Variants in BPNT1 observed in about 807,000 individuals in gnomAD.
The protein encoded by BPNT1 is 3'(2'),5'-bisphosphate nucleotidase 1.
Under a neutral mutation model 36.9 loss-of-function variants are expected in BPNT1, and 28 were observed. That is an observed-to-expected ratio of 0.76 (90% CI 0.56 to 1.04). The LOEUF (loss-of-function observed/expected upper bound fraction) is 1.04, where lower values mean the gene tolerates loss of function less well. Among genes scored for constraint, BPNT1 ranks in the 50% least tolerant of loss-of-function variants. BPNT1 has a pLI of 0.00. For missense variants in BPNT1, 313 were observed against 372.9 expected (o/e 0.84, Z 1.32); for synonymous variants, 119 against 130.9 (o/e 0.91, Z 0.62).
intron 6 of BPNT1, among the ~76,000 whole-genome samples, chr1:220,063,720 T>C (rs1571734947): frequency 6.6e-6 from 1 of 152,192 alleles, no homozygotes; most frequent in East Asian, 1.9e-4. Context: ...GCTATGGAGA[T>C]AGGGCAACTG....
intron 1 of BPNT1, among the ~76,000 whole-genome samples, chr1:220,080,758 G>A (rs1424682045): frequency 6.6e-6 from 1 of 152,118 alleles, no homozygotes; most frequent in East Asian, 1.9e-4. Context: ...CCACATCAGA[G>A]GGATTGCATA....
In BPNT1 at chr1:220,058,069, G is replaced by A. The variant is rs1358695637; in HGVS notation, c.*775C>T. The A allele has an allele frequency of 7.7e-6, 5 of 650,348 alleles. No individual in the cohort carries two copies. Among genetic ancestry groups the A allele is most frequent in the Middle Eastern group, 7.4e-4 (1 of 1,350 alleles). The allele number at this position is 650,348 out of a possible 1,614,324, so 40.3% of individuals were successfully genotyped here. ...GCGGTGCCTGCAGTCCCAGCTACTC[G>A]GGAGGCTGAGGCAGGAGAATGGCAT... On this transcript the variant is annotated 3_prime_UTR_variant, in exon 9 of 9. Coordinates refer to ENST00000322067, the MANE Select transcript of BPNT1 (RefSeq NM_006085.6).
chr1:220,083,191 C>A (rs1246307603), intron 1 of BPNT1, among the ~76,000 whole-genome samples: 1 of 143,308 alleles, frequency 7.0e-6, no homozygotes. Flanking sequence ...GGGCCGAGAT[C>A]GTGCCAGTGC....
intron 6 of BPNT1, among the ~76,000 whole-genome samples, chr1:220,065,786 G>T (rs80181015): frequency 0.043 from 6,474 of 152,252 alleles, 173 homozygotes; most frequent in East Asian, 0.12. Context: ...TGGTGATGAT[G>T]ATTATTATTT....
chr1:220,062,936 A>G lies in BPNT1; in HGVS notation c.493T>C (p.Leu165=), dbSNP rs764862721. Residue 165 remains leucine, a synonymous_variant, in exon 7 of 9, where the codon TTG becomes CTG. Coordinates refer to ENST00000322067, the MANE Select transcript of BPNT1 (RefSeq NM_006085.6). ...YNYEAGPDAV[L]GRTIWGVLGL... ...AAAACTCCCCAGATTGTCCTCCCCA[A>G]CACAGCATCTGGTCCTGCCTGTGTA... 6 of 1,614,028 alleles carry G rather than the reference A, an allele frequency of 3.7e-6. No individual in the cohort carries two copies. Among genetic ancestry groups the G allele is most frequent in the Non-Finnish European group, 5.1e-6 (6 of 1,180,036 alleles).
intron 2 of BPNT1, among the ~76,000 whole-genome samples, chr1:220,079,192 T>C (rs80178660): frequency 0.06 from 9,070 of 152,184 alleles, 325 homozygotes; most frequent in East Asian, 0.11. Flanking sequence ...TGGGGATAGA[T>C]ATGGTTCAGA....
At position 220,058,390 on chromosome 1, in the gene BPNT1, T is replaced by C. The variant is rs907873695; in HGVS notation, c.*454A>G. Reference sequence around the variant, plus strand: ...TAATTCTATTTTCTATTCCTAAATATAATAACTAAATATAAATCACTGCTC... The same window carrying C: ...TAATTCTATTTTCTATTCCTAAATACAATAACTAAATATAAATCACTGCTC... On this transcript the variant is annotated 3_prime_UTR_variant, in exon 9 of 9. Transcript: ENST00000322067. 1 of 966,774 alleles carries C rather than the reference T, an allele frequency of 1.0e-6. No homozygotes were observed. The highest frequency in any genetic ancestry group is 1.1e-4 in the East Asian group (1 of 8,802). The allele number at this position is 966,774 out of a possible 1,614,324, so 59.9% of individuals were successfully genotyped here. A position where few individuals can be genotyped will look rare whatever the true frequency, so the allele number is the denominator to read the frequency against.
intron 1 of BPNT1, 141 bp downstream of exon 1, chr1:220,089,545 A>C (rs1363725251): frequency 6.6e-6 from 1 of 152,256 alleles, no homozygotes; most frequent in Non-Finnish European, 1.5e-5. Flanking sequence ...TAAAATATCG[A>C]CACTCAAGAG....
At chr1:220,078,057 C>T (rs1664716298) in intron 2 of BPNT1, among the ~76,000 whole-genome samples, 1 of 151,538 alleles carries the variant, frequency 6.6e-6, no homozygotes, top group Admixed American at 6.6e-5. Context: ...TGCCTGTAGT[C>T]CTAACTACTC....
chr1:220,069,109 G>T (rs1324467142), intron 5 of BPNT1, among the ~76,000 whole-genome samples: 1 of 152,104 alleles, frequency 6.6e-6, no homozygotes, highest in Non-Finnish European at 1.5e-5. Flanking sequence ...AGTCATTTTG[G>T]TAACACTGGT....
chr1:220,076,246 A>G (rs891208292), intron 2 of BPNT1, among the ~76,000 whole-genome samples: 2 of 152,086 alleles, frequency 1.3e-5, no homozygotes, highest in Admixed American at 6.6e-5. Context: ...TCATGCCTGT[A>G]ATCCCAGCAT....
chr1:220,067,263 T>C, intron 6 of BPNT1, 39 bp downstream of exon 6: 1 of 1,352,448 alleles, frequency 7.4e-7, no homozygotes, highest in Non-Finnish European at 1.0e-6. Flanking sequence ...CTATAATTAT[T>C]TATCTAATGA....
At chr1:220,082,079 TATATATAGAG>T (rs1219810350) in intron 1 of BPNT1, among the ~76,000 whole-genome samples, 2 of 110,540 alleles carry the variant, frequency 1.8e-5, no homozygotes, top group Non-Finnish European at 3.9e-5. Flanking sequence ...TATATATATA[TATATATAGAG>T]AGAGAGAGAG....
Position 220,057,776 on chromosome 1 carries a change from C to T in BPNT1, c.*1068G>A. The T allele has an allele frequency of 1.0e-6, 1 of 997,462 alleles. No homozygotes were observed. The highest frequency in any genetic ancestry group is 1.4e-6 in the Non-Finnish European group (1 of 728,134). The allele number at this position is 997,462 out of a possible 1,614,324, so 61.8% of individuals were successfully genotyped here. ...AAAAACTTTTCTCATAAATCTGTTT[C>T]ATAAGCATATATAATAACATCATAT... On this transcript the variant is annotated 3_prime_UTR_variant, in exon 9 of 9. Transcript: ENST00000322067.
intron 6 of BPNT1, chr1:220,066,990 T>C (rs764065689): frequency 6.5e-6 from 1 of 152,960 alleles, no homozygotes; most frequent in Non-Finnish European, 1.5e-5. Context: ...ATAATGCATT[T>C]AGTGGGTCTG....
At position 220,057,978 on chromosome 1, in the gene BPNT1, C is replaced by T; in HGVS notation, c.*866G>A. The T allele has an allele frequency of 1.4e-6, 1 of 727,370 alleles. No homozygotes were observed. Among genetic ancestry groups the T allele is most frequent in the African/African-American group, 1.9e-5 (1 of 53,264 alleles). 45.1% of individuals were successfully genotyped at this position (727,370 alleles called of 1,614,324 possible). The stretch of plus-strand genomic sequence containing the variant: ...AGATCACGATGTCAGGAGATCAAGA[C>T]CATCCTGGCTAACACGGTGAAACAC... On this transcript the variant is annotated 3_prime_UTR_variant, in exon 9 of 9. Transcript: ENST00000322067.
rs187506464 is a variant in BPNT1 at position 220,083,372 on chromosome 1, T to C, written c.-8-3518A>G. Among the ~76,000 whole-genome samples, 787 of 151,592 alleles carry C rather than the reference T, an allele frequency of 5.2e-3. 3 individuals carry two copies. The highest frequency in any genetic ancestry group is 0.01 in the Middle Eastern group (3 of 290). On this transcript the variant is annotated intron_variant, in intron 1 of 8. Transcript: ENST00000322067. Reference sequence around the variant, plus strand: ...TGGAGTCTCGCTCTATCGCCCAGGCTGGCGCGATCTCGGCTCACTACAAAC... The same window carrying C: ...TGGAGTCTCGCTCTATCGCCCAGGCCGGCGCGATCTCGGCTCACTACAAAC...
chr1:220,081,760 T>G (rs1402696159), intron 1 of BPNT1, among the ~76,000 whole-genome samples: 1 of 151,946 alleles, frequency 6.6e-6, no homozygotes, highest in Non-Finnish European at 1.5e-5. Context: ...AAAGGCCATT[T>G]CCTACCCCAA....
chr1:220,078,019 A>G (rs960038386), intron 2 of BPNT1, among the ~76,000 whole-genome samples: 3 of 151,832 alleles, frequency 2.0e-5, no homozygotes, highest in African/African-American at 7.3e-5. Context: ...TCCACAAAAT[A>G]AAAACATTAG....
Sources: gnomAD v4.1 joint callset for allele counts (sites outside exome capture counted in the v4.1 genomes callset) on GRCh38, gnomAD v4.1.1 for gene constraint, MANE v1.5 for transcripts, NCBI Gene and HGNC (gene_info 2026-07-23, HGNC 2026-07-21) for gene names.